The following MUSK variants were observed in gnomAD, a reference collection of about 807,000 sequenced individuals.
MUSK encodes muscle, skeletal receptor tyrosine-protein kinase.
In MUSK, 55 loss-of-function variants were observed where a neutral mutation model predicts 88.7. That is an observed-to-expected ratio of 0.62 (90% confidence interval 0.50 to 0.78). The LOEUF is 0.78. Among genes scored for constraint, MUSK ranks in the 30% least tolerant of loss-of-function variants. MUSK has a pLI of 0.00. For missense variants in MUSK, 1,015 were observed against 1,074.3 expected, an observed-to-expected ratio of 0.94 and a Z score of 0.77; for synonymous variants, 387 against 391.9, an observed-to-expected ratio of 0.99 and a Z score of 0.15.
At chr9:110,698,902 A>C (rs1277139891) in intron 5 of MUSK, among the ~76,000 whole-genome samples, 2 of 152,126 alleles carry the variant, frequency 1.3e-5, no homozygotes, top group Non-Finnish European at 2.9e-5. Flanking sequence ...CTGTCTGCCT[A>C]GATCCAGTGT....
chr9:110,741,959 A>G (rs1463922985), intron 6 of MUSK, among the ~76,000 whole-genome samples: 1 of 152,222 alleles, frequency 6.6e-6, no homozygotes, highest in Non-Finnish European at 1.5e-5. Context: ...CTCTAATGGT[A>G]TAATTAGAGA....
In MUSK at chr9:110,718,291, A is replaced by C. The variant is rs370539371; in HGVS notation, c.629-15960A>C. On this transcript the variant is annotated intron_variant, in intron 5 of 14. Transcript: ENST00000374448. The stretch of plus-strand genomic sequence containing the variant: ...TTCATGGTCTAGCTTCAAAAGCCAC[A>C]CACAGTCACTTCTGCCACATCCTAT... Among the ~76,000 whole-genome samples the C allele has an allele frequency of 3.9e-5, 6 of 152,192 alleles. No individual in the cohort carries two copies. In the East Asian group the frequency reaches 1.2e-3, roughly 29 times the overall value.
chr9:110,726,438 G>C (rs2076884960), intron 5 of MUSK, among the ~76,000 whole-genome samples: 1 of 152,098 alleles, frequency 6.6e-6, no homozygotes, highest in African/African-American at 2.4e-5. Flanking sequence ...TCAAAGTAGA[G>C]TTCAAGTATA....
At chr9:110,689,245 A>AAATG (rs1325713638) in intron 3 of MUSK, among the ~76,000 whole-genome samples, 1 of 117,780 alleles carries the variant, frequency 8.5e-6, no homozygotes, top group African/African-American at 3.5e-5. Context: ...ATAAATATAT[A>AAATG]AACTATATAT....
intron 9 of MUSK, among the ~76,000 whole-genome samples, chr9:110,774,121 G>T (rs1051601168): frequency 5.3e-5 from 8 of 151,976 alleles, no homozygotes; most frequent in South Asian, 2.1e-4. Context: ...CTTCTTACTT[G>T]CTCCACCTTA....
rs968681825 is a variant in MUSK at position 110,697,559 on chromosome 9, G to A, written c.628+93G>A. On this transcript the variant is annotated intron_variant, in intron 5 of 14. Transcript: ENST00000374448. ...CCTGGGCTTGGGAGAGAAGAGATGTGGGCAGCCCACTTCCCTCAGTTGTTC... is the reference window on the plus strand; with the variant it reads ...CCTGGGCTTGGGAGAGAAGAGATGTAGGCAGCCCACTTCCCTCAGTTGTTC... 44 of 1,335,868 alleles carry A rather than the reference G, an allele frequency of 3.3e-5. No individual in the cohort carries two copies. The South Asian group carries it at 7.9e-4, about 24-fold the overall frequency. 82.8% of individuals were successfully genotyped at this position (1,335,868 alleles called of 1,614,324 possible).
chr9:110,686,057 C>T (rs1170112568), intron 2 of MUSK, among the ~76,000 whole-genome samples: 2 of 152,090 alleles, frequency 1.3e-5, no homozygotes, highest in Non-Finnish European at 2.9e-5. Context: ...GGAGTTCACA[C>T]GTATGAAATA....
At chr9:110,681,709 C>T (rs921167656) in intron 1 of MUSK, among the ~76,000 whole-genome samples, 45 of 151,910 alleles carry the variant, frequency 3.0e-4, no homozygotes, top group African/African-American at 1.1e-3. Context: ...AGCAGATGAG[C>T]TTGCCTTTGA....
At chr9:110,764,378 T>G (rs1318620000) in intron 8 of MUSK, among the ~76,000 whole-genome samples, 3 of 152,182 alleles carry the variant, frequency 2.0e-5, no homozygotes, top group Non-Finnish European at 4.4e-5. Flanking sequence ...TGCTGTGAGC[T>G]CCTTTTAAAA....
At chr9:110,691,469 T>C (rs1022899373) in intron 3 of MUSK, among the ~76,000 whole-genome samples, 2 of 152,152 alleles carry the variant, frequency 1.3e-5, no homozygotes, top group Non-Finnish European at 2.9e-5. Flanking sequence ...TTGATTCGTC[T>C]CTGTTCTCCT....
intron 11 of MUSK, among the ~76,000 whole-genome samples, chr9:110,782,362 T>C (rs1346197892): frequency 1.3e-5 from 2 of 152,160 alleles, no homozygotes; most frequent in African/African-American, 4.8e-5. Flanking sequence ...AAAACAAAAC[T>C]ATCTTGAAGG....
intron 5 of MUSK, among the ~76,000 whole-genome samples, chr9:110,730,794 A>G (rs1324970710): frequency 2.6e-5 from 4 of 152,116 alleles, no homozygotes; most frequent in Non-Finnish European, 5.9e-5. Flanking sequence ...GTAAAAACAT[A>G]TCAGCTTTAT....
At chr9:110,767,041 C>T (rs1415574748) in intron 8 of MUSK, among the ~76,000 whole-genome samples, 1 of 152,222 alleles carries the variant, frequency 6.6e-6, no homozygotes, top group African/African-American at 2.4e-5. Flanking sequence ...TATGTTTGTG[C>T]TAGCACTAGC....
At chr9:110,712,994 G>T (rs539323173) in intron 5 of MUSK, among the ~76,000 whole-genome samples, 1 of 152,084 alleles carries the variant, frequency 6.6e-6, no homozygotes, top group Non-Finnish European at 1.5e-5. Context: ...GAGAGGTGAA[G>T]GCCAACAGGG....
chr9:110,720,740 T>G (rs1265344578), intron 5 of MUSK, among the ~76,000 whole-genome samples: 1 of 152,142 alleles, frequency 6.6e-6, no homozygotes, highest in Non-Finnish European at 1.5e-5. Flanking sequence ...TAAATTATTC[T>G]ATGAAGGCAG....
At chr9:110,764,601 G>T (rs1313176563) in intron 8 of MUSK, among the ~76,000 whole-genome samples, 1 of 135,794 alleles carries the variant, frequency 7.4e-6, no homozygotes, top group Non-Finnish European at 1.6e-5. Context: ...TAGATAGATA[G>T]ATTAGATAGA....
chr9:110,787,565 AGGCTGC>A, intron 13 of MUSK, 119 bp from the exon 14 acceptor site: 1 of 815,716 alleles, frequency 1.2e-6, no homozygotes, highest in Non-Finnish European at 1.8e-6. Context: ...GCTCTGGGAA[AGGCTGC>A]GTGAGACTTA....
At chr9:110,694,837 T>TTTGCTTTACAGAA (rs57308248) in intron 3 of MUSK, among the ~76,000 whole-genome samples, 58,710 of 151,706 alleles carry the variant, frequency 0.39, 11,677 homozygotes, top group African/African-American at 0.47. Context: ...AAATTACATG[T>TTTGCTTTACAGAA]TTGAGTCCCC....
intron 5 of MUSK, among the ~76,000 whole-genome samples, chr9:110,708,090 T>C (rs995323687): frequency 7.4e-6 from 1 of 135,736 alleles, no homozygotes; most frequent in Non-Finnish European, 1.6e-5. Flanking sequence ...AATAAATAAT[T>C]CCTATCTATC....
Sources: gnomAD v4.1 joint callset for allele counts (sites outside exome capture counted in the v4.1 genomes callset) on GRCh38, gnomAD v4.1.1 for gene constraint, MANE v1.5 for transcripts, NCBI Gene and HGNC (gene_info 2026-07-23, HGNC 2026-07-21) for gene names.